The following ADAMTS18 variants were observed in gnomAD, a reference collection of about 807,000 sequenced individuals.
ADAMTS18 encodes the protein A disintegrin and metalloproteinase with thrombospondin motifs 18.
Under a neutral mutation model 165.9 loss-of-function variants are expected in ADAMTS18, and 157 were observed. That is an observed-to-expected ratio of 0.95 (90% CI 0.83 to 1.08). The LOEUF (loss-of-function observed/expected upper bound fraction) is 1.08, where lower values mean the gene tolerates loss of function less well. Ranked by LOEUF, ADAMTS18 falls within the 50% of genes least tolerant of loss-of-function variation. The probability of loss-of-function intolerance (pLI) is 0.00; values close to 1 mark genes in which losing one functional copy is unlikely to be tolerated. For synonymous variants in ADAMTS18, 782 were observed against 578.2 expected (o/e 1.35, Z -5.06); for missense variants, 2,040 against 1,534.0 (o/e 1.33, Z -5.51).
intron 13 of ADAMTS18, among the ~76,000 whole-genome samples, chr16:77,323,118 C>T (rs1290581942): frequency 6.6e-6 from 1 of 151,740 alleles, no homozygotes; most frequent in Admixed American, 6.6e-5. Flanking sequence ...ATATCAAAGG[C>T]AAAAATTAAA....
chr16:77,307,819 C>T (rs142084895), intron 16 of ADAMTS18, among the ~76,000 whole-genome samples: 134 of 152,192 alleles, frequency 8.8e-4, no homozygotes, highest in African/African-American at 3.0e-3. Context: ...CATTTCAGCC[C>T]CTTTACCTTG....
chr16:77,304,808 T>C (rs192491573), intron 16 of ADAMTS18, among the ~76,000 whole-genome samples: 14 of 152,296 alleles, frequency 9.2e-5, no homozygotes, highest in Admixed American at 7.8e-4. Context: ...TATGCCTGTG[T>C]ATGTGTGTTA....
intron 16 of ADAMTS18, among the ~76,000 whole-genome samples, chr16:77,314,753 C>CTTATACATATAT: frequency 2.7e-5 from 1 of 36,916 alleles, no homozygotes; most frequent in South Asian, 8.5e-4. Flanking sequence ...TCTCAGGTTT[C>CTTATACATATAT]ATATATATAT....
At chr16:77,313,937 T>C (rs2650912) in intron 16 of ADAMTS18, among the ~76,000 whole-genome samples, 91,896 of 152,028 alleles carry the variant, frequency 0.6, 28,208 homozygotes, top group Non-Finnish European at 0.65. Context: ...GAGAGTTCAA[T>C]TTCTATGCCT....
intron 12 of ADAMTS18, among the ~76,000 whole-genome samples, chr16:77,327,747 C>T (rs1414666580): frequency 1.3e-5 from 2 of 152,200 alleles, no homozygotes; most frequent in African/African-American, 4.8e-5. Context: ...TACCCTATCT[C>T]TTGGCATCAG....
chr16:77,363,860 G>C lies in ADAMTS18; in HGVS notation c.998C>G (p.Thr333Ser), dbSNP rs768735534. ...AACCACGTTTATGTCACTTCCAATA[G>C]TCCCATCTTTAAATAGGCCAGAAAC... ...NMVSGLFKDGTIGSDINVVVV... is the reference protein window; with the variant it reads ...NMVSGLFKDGSIGSDINVVVV... Residue 333 changes from threonine to serine, a missense_variant, in exon 6 of 23, where the codon ACT (threonine) becomes AGT (serine). Thr to Ser is a moderately conservative substitution (Grantham distance 58, BLOSUM62 1). Coordinates refer to ENST00000282849, the MANE Select transcript of ADAMTS18 (RefSeq NM_199355.4). 2 of 1,613,926 alleles carry C rather than the reference G, an allele frequency of 1.2e-6. No homozygotes were observed. Among genetic ancestry groups the C allele is most frequent in the South Asian group, 1.1e-5 (1 of 91,066 alleles).
chr16:77,335,284 A>G (rs2056290219), intron 12 of ADAMTS18, among the ~76,000 whole-genome samples: 1 of 151,528 alleles, frequency 6.6e-6, no homozygotes, highest in Admixed American at 6.6e-5. Context: ...AAAAAAAAAA[A>G]AAATTGAACT....
intron 3 of ADAMTS18, among the ~76,000 whole-genome samples, chr16:77,392,485 G>C (rs932700597): frequency 6.6e-6 from 1 of 152,064 alleles, no homozygotes; most frequent in South Asian, 2.1e-4. Flanking sequence ...CCACCTCAGA[G>C]AAAACTTCCC....
chr16:77,357,999 C>A (rs1346121110), intron 8 of ADAMTS18, among the ~76,000 whole-genome samples: 1 of 152,230 alleles, frequency 6.6e-6, no homozygotes, highest in Non-Finnish European at 1.5e-5. Flanking sequence ...TGAAAAGTGA[C>A]ACCTGTTCGG....
intron 14 of ADAMTS18, 143 bp from the exon 15 acceptor site, chr16:77,321,345 T>C: frequency 9.2e-7 from 1 of 1,085,744 alleles, no homozygotes. Context: ...AGCCTCAAGT[T>C]GGACTCACTT....
At position 77,319,826 on chromosome 16, in the gene ADAMTS18, C is replaced by A. The variant is rs761261155; in HGVS notation, c.2532+23G>T. The A allele has an allele frequency of 8.7e-6, 14 of 1,613,918 alleles. No homozygotes were observed. The Admixed American group carries it at 1.5e-4, about 17-fold the overall frequency. ...TAAATGTAGCAAGAAGCACTGAGAA[C>A]TGAATACACAGAAGGGGCTTACTTC... On this transcript the variant is annotated intron_variant, in intron 16 of 22. Coordinates refer to ENST00000282849, the MANE Select transcript of ADAMTS18 (RefSeq NM_199355.4).
At chr16:77,371,857 T>C (rs371980959) in intron 3 of ADAMTS18, among the ~76,000 whole-genome samples, 21 of 152,260 alleles carry the variant, frequency 1.4e-4, no homozygotes, top group African/African-American at 4.6e-4. Flanking sequence ...AGAAAATATT[T>C]GTAAACTATG....
At chr16:77,376,265 C>T (rs1418784188) in intron 3 of ADAMTS18, among the ~76,000 whole-genome samples, 1 of 152,142 alleles carries the variant, frequency 6.6e-6, no homozygotes, top group Non-Finnish European at 1.5e-5. Flanking sequence ...GTGCTACACA[C>T]TTTTAAACAA....
chr16:77,403,718 T>C (rs2057359460), intron 3 of ADAMTS18, among the ~76,000 whole-genome samples: 1 of 152,176 alleles, frequency 6.6e-6, no homozygotes, highest in South Asian at 2.1e-4. Context: ...AATAGATATG[T>C]TGAATATTCA....
chr16:77,399,635 C>G (rs1191313179), intron 3 of ADAMTS18, among the ~76,000 whole-genome samples: 1 of 152,196 alleles, frequency 6.6e-6, no homozygotes, highest in Non-Finnish European at 1.5e-5. Context: ...GAGAAGAAAA[C>G]ACTATACACT....
intron 16 of ADAMTS18, among the ~76,000 whole-genome samples, chr16:77,314,527 G>A (rs1420395554): frequency 6.7e-6 from 1 of 150,132 alleles, no homozygotes; most frequent in Non-Finnish European, 1.5e-5. Flanking sequence ...CAGAAGAATC[G>A]CTTGGACCCA....
intron 3 of ADAMTS18, among the ~76,000 whole-genome samples, chr16:77,420,103 A>G (rs1471653678): frequency 6.8e-6 from 1 of 147,964 alleles, no homozygotes; most frequent in Non-Finnish European, 1.5e-5. Context: ...TTCCATCTCC[A>G]CTTTACAGAC....
intron 3 of ADAMTS18, among the ~76,000 whole-genome samples, chr16:77,392,631 AG>A (rs1327405604): frequency 1.3e-5 from 2 of 152,140 alleles, no homozygotes; most frequent in Non-Finnish European, 2.9e-5. Flanking sequence ...TCTACACTAG[AG>A]TGCAGGCACC....
At chr16:77,334,162 T>C (rs1348285972) in intron 12 of ADAMTS18, among the ~76,000 whole-genome samples, 1 of 90,946 alleles carries the variant, frequency 1.1e-5, no homozygotes, top group African/African-American at 4.6e-5. Flanking sequence ...TAATATACAG[T>C]GTTATATATT....
Sources: gnomAD v4.1 joint callset for allele counts (sites outside exome capture counted in the v4.1 genomes callset) on GRCh38, gnomAD v4.1.1 for gene constraint, MANE v1.5 for transcripts, NCBI Gene and HGNC (gene_info 2026-07-23, HGNC 2026-07-21) for gene names.